C12orf75: variants seen among roughly 807,000 people sequenced by gnomAD.
C12orf75 encodes chromosome 12 open reading frame 75, also known as overexpressed in colon carcinoma 1 protein.
In C12orf75, 4 loss-of-function variants were observed where a neutral mutation model predicts 11.4. The ratio of observed to expected loss-of-function variants is 0.35; its 90% CI spans 0.17 to 0.80. C12orf75 has a LOEUF of 0.80. Ranked by LOEUF, C12orf75 falls within the 30% of genes least tolerant of loss-of-function variation. The pLI is 0.52. For missense variants in C12orf75, 89 were observed against 80.4 expected (o/e 1.11, Z -0.41); for synonymous variants, 30 against 30.0 (o/e 1.00, Z 0.00).
chr12:105,345,505 A>G (rs1268371292), intron 1 of C12orf75, among the ~76,000 whole-genome samples: 2 of 151,902 alleles, frequency 1.3e-5, no homozygotes, highest in African/African-American at 2.4e-5. Context: ...ATAAAAAAAA[A>G]AGAAGTCAAA....
At chr12:105,352,886 C>T (rs1439457419) in intron 2 of C12orf75, among the ~76,000 whole-genome samples, 1 of 152,156 alleles carries the variant, frequency 6.6e-6, no homozygotes, top group Admixed American at 6.5e-5. Flanking sequence ...AGAAAACAAG[C>T]CTATTTTTCC....
At chr12:105,340,262 A>T (rs1338499783) in intron 1 of C12orf75, among the ~76,000 whole-genome samples, 2 of 151,862 alleles carry the variant, frequency 1.3e-5, no homozygotes, top group African/African-American at 4.8e-5. Flanking sequence ...CATCTCTACT[A>T]AAAATACAAA....
intron 2 of C12orf75, among the ~76,000 whole-genome samples, chr12:105,350,822 A>G (rs1046008802): frequency 2.0e-5 from 3 of 152,180 alleles, no homozygotes; most frequent in Non-Finnish European, 4.4e-5. Context: ...GAGTGATTTC[A>G]TGACATCTTT....
chr12:105,360,604 G>A (rs570985447), intron 2 of C12orf75, among the ~76,000 whole-genome samples: 118 of 152,314 alleles, frequency 7.7e-4, no homozygotes, highest in African/African-American at 2.7e-3. Context: ...CCCATCAGAA[G>A]CTCCTTTTGG....
At chr12:105,363,726 T>C (rs61939074) in intron 2 of C12orf75, among the ~76,000 whole-genome samples, 1 of 132,994 alleles carries the variant, frequency 7.5e-6, no homozygotes, top group Non-Finnish European at 1.5e-5. Flanking sequence ...TCTGTCTTAA[T>C]TAAAAAAAAA....
chr12:105,354,154 G>GGA (rs1323682602), intron 2 of C12orf75, among the ~76,000 whole-genome samples: 2 of 152,156 alleles, frequency 1.3e-5, no homozygotes, highest in Non-Finnish European at 2.9e-5. Flanking sequence ...AGGGTGAAGA[G>GGA]GATGGGGTTG....
chr12:105,370,320 A>C (rs993400072), intron 5 of C12orf75, among the ~76,000 whole-genome samples: 1 of 152,160 alleles, frequency 6.6e-6, no homozygotes, highest in African/African-American at 2.4e-5. Context: ...TGGAATTGTG[A>C]CCGAACAGTC....
chr12:105,357,500 A>G lies in C12orf75; in HGVS notation c.72-8307A>G, dbSNP rs1405204552. Among the ~76,000 whole-genome samples the G allele has an allele frequency of 2.6e-5, 4 of 152,184 alleles. No homozygotes were observed. In the East Asian group the frequency reaches 7.7e-4, roughly 29 times the overall value. On this transcript the variant is annotated intron_variant, in intron 2 of 5. Transcript: ENST00000443585. Reference sequence around the variant, plus strand: ...CAACTGAGGATTTATCTTTTCAACAATCCCAAAAGACGTTGAAAGTGGGGA... The same window carrying G: ...CAACTGAGGATTTATCTTTTCAACAGTCCCAAAAGACGTTGAAAGTGGGGA...
At chr12:105,347,965 A>G (rs1353315947) in intron 1 of C12orf75, among the ~76,000 whole-genome samples, 1 of 152,238 alleles carries the variant, frequency 6.6e-6, no homozygotes, top group Non-Finnish European at 1.5e-5. Context: ...CTCGAAGTCT[A>G]CCAGTTTTAA....
intron 1 of C12orf75, among the ~76,000 whole-genome samples, chr12:105,345,334 A>T (rs1304482860): frequency 6.6e-6 from 1 of 151,932 alleles, no homozygotes; most frequent in Non-Finnish European, 1.5e-5. Flanking sequence ...ATTAAAAAAT[A>T]CAAAAATAAG....
chr12:105,359,457 A>T (rs1301770349), intron 2 of C12orf75, among the ~76,000 whole-genome samples: 2 of 152,092 alleles, frequency 1.3e-5, no homozygotes, highest in African/African-American at 2.4e-5. Context: ...CCTCCACCCC[A>T]GGAGGCTATT....
chr12:105,348,176 C>T (rs1892661399), intron 1 of C12orf75, among the ~76,000 whole-genome samples: 1 of 152,076 alleles, frequency 6.6e-6, no homozygotes, highest in South Asian at 2.1e-4. Flanking sequence ...GCACTTTGGG[C>T]AATCAAGGTG....
chr12:105,359,025 C>T (rs1255543900), intron 2 of C12orf75, among the ~76,000 whole-genome samples: 1 of 152,170 alleles, frequency 6.6e-6, no homozygotes, highest in Non-Finnish European at 1.5e-5. Context: ...GCTCCCCTAG[C>T]AAGAGCAGGA....
chr12:105,359,550 C>T (rs898396915), intron 2 of C12orf75, among the ~76,000 whole-genome samples: 5 of 151,992 alleles, frequency 3.3e-5, no homozygotes, highest in African/African-American at 1.2e-4. Flanking sequence ...GCGGGTGGAT[C>T]ACTTGGGGTC....
intron 2 of C12orf75, among the ~76,000 whole-genome samples, chr12:105,362,192 C>A (rs1892876987): frequency 6.6e-6 from 1 of 151,954 alleles, no homozygotes; most frequent in African/African-American, 2.4e-5. Flanking sequence ...CGAGACCATC[C>A]TGGCTAAAAC....
intron 1 of C12orf75, among the ~76,000 whole-genome samples, chr12:105,331,158 C>T (rs986598132): frequency 6.6e-6 from 1 of 151,924 alleles, no homozygotes; most frequent in Non-Finnish European, 1.5e-5. Flanking sequence ...GCGTCTCTGC[C>T]GAGGGAGCGC....
intron 2 of C12orf75, among the ~76,000 whole-genome samples, chr12:105,356,442 T>TG (rs1892781955): frequency 3.5e-5 from 3 of 86,050 alleles, no homozygotes; most frequent in South Asian, 3.4e-4. Flanking sequence ...CTACAGGCTT[T>TG]TTTTTTTTTT....
intron 2 of C12orf75, among the ~76,000 whole-genome samples, chr12:105,352,721 G>T (rs941266700): frequency 6.6e-6 from 1 of 152,102 alleles, no homozygotes; most frequent in African/African-American, 2.4e-5. Context: ...TGGGGAGGGG[G>T]TTTCTCTCTG....
rs149058325 is a variant in C12orf75 at position 105,359,915 on chromosome 12, A to G, written c.72-5892A>G. Among the ~76,000 whole-genome samples, 8 of 152,310 alleles carry G rather than the reference A, an allele frequency of 5.3e-5. No individual in the cohort carries two copies. The East Asian group carries it at 5.8e-4, about 11-fold the overall frequency. ...GATGTTTGGACCAATTAACTCCCAAAGAGTGTGATCAAGTGCAGCAGGACA... is the reference window on the plus strand; with the variant it reads ...GATGTTTGGACCAATTAACTCCCAAGGAGTGTGATCAAGTGCAGCAGGACA... On this transcript the variant is annotated intron_variant, in intron 2 of 5. Coordinates refer to ENST00000443585, the MANE Select transcript of C12orf75 (RefSeq NM_001145199.2).
Sources: gnomAD v4.1 joint callset for allele counts (sites outside exome capture counted in the v4.1 genomes callset) on GRCh38, gnomAD v4.1.1 for gene constraint, MANE v1.5 for transcripts, NCBI Gene and HGNC (gene_info 2026-07-23, HGNC 2026-07-21) for gene names.